The following COL4A2 variants were observed in gnomAD, a reference collection of about 807,000 sequenced individuals.
The protein encoded by COL4A2 is collagen alpha-2(IV) chain.
Under a neutral mutation model 200.2 loss-of-function variants are expected in COL4A2, and 99 were observed. The ratio of observed to expected loss-of-function variants is 0.49; its 90% CI spans 0.42 to 0.58. COL4A2 has a LOEUF of 0.58. Ranked by LOEUF, COL4A2 falls within the 20% of genes least tolerant of loss-of-function variation. The pLI, the probability that COL4A2 is intolerant of heterozygous loss-of-function variation, is 0.00. For synonymous variants in COL4A2, 897 were observed against 900.6 expected (o/e 1.00, Z 0.07); for missense variants, 1,950 against 2,314.1 (o/e 0.84, Z 3.23).
At chr13:110,464,962 C>A (rs1206980099) in intron 24 of COL4A2, among the ~76,000 whole-genome samples, 1 of 152,206 alleles carries the variant, frequency 6.6e-6, no homozygotes, top group Non-Finnish European at 1.5e-5. Flanking sequence ...ACGGCTCTTT[C>A]CTTGTCCAAA....
rs142309194 is a variant in COL4A2 at position 110,346,381 on chromosome 13, G to A, written c.100-11091G>A. On this transcript the variant is annotated intron_variant, in intron 3 of 47. Transcript: ENST00000360467. The stretch of plus-strand genomic sequence containing the variant: ...TTCAGCGGTCTTAGCCGTTGATCCC[G>A]TGGTCACCATAGACAATATAAGGAG... Among the ~76,000 whole-genome samples, 300 of 152,254 alleles carry A rather than the reference G, an allele frequency of 2.0e-3. 1 individual carries two copies. The highest frequency in any genetic ancestry group is 6.7e-3 in the African/African-American group (279 of 41,552).
intron 4 of COL4A2, among the ~76,000 whole-genome samples, chr13:110,374,803 A>G (rs943894117): frequency 6.6e-6 from 1 of 152,156 alleles, no homozygotes; most frequent in Non-Finnish European, 1.5e-5. Context: ...CATGCCGATT[A>G]TACTTCTGTA....
chr13:110,479,760 A>G (rs903178560), intron 30 of COL4A2, among the ~76,000 whole-genome samples: 1 of 152,192 alleles, frequency 6.6e-6, no homozygotes, highest in Non-Finnish European at 1.5e-5. Flanking sequence ...AGTAGCAGTG[A>G]TGAGATGGGA....
At chr13:110,351,896 G>A (rs550701686) in intron 3 of COL4A2, among the ~76,000 whole-genome samples, 2 of 152,198 alleles carry the variant, frequency 1.3e-5, no homozygotes, top group Non-Finnish European at 2.9e-5. Flanking sequence ...CAATGCGCCT[G>A]GGAAGCCACT....
At chr13:110,492,021 C>G in intron 37 of COL4A2, 49 bp from the exon 38 acceptor site, 3 of 1,492,610 alleles carry the variant, frequency 2.0e-6, no homozygotes, top group Non-Finnish European at 2.7e-6. Flanking sequence ...CACCACACAG[C>G]GCCCAAGGTG....
Position 110,474,746 on chromosome 13 carries a change from G to A in COL4A2, c.2425+1596G>A, listed in dbSNP as rs529121654. Among the ~76,000 whole-genome samples, 97 of 38,298 alleles carry A rather than the reference G, an allele frequency of 2.5e-3. 27 individuals are homozygous for A. The South Asian group carries it at 0.041, about 16-fold the overall frequency. The allele number at this position is 38,298 out of a possible 152,430, so 25.1% of individuals were successfully genotyped here. On this transcript the variant is annotated intron_variant, in intron 29 of 47. Coordinates refer to ENST00000360467, the MANE Select transcript of COL4A2 (RefSeq NM_001846.4). Reference sequence around the variant, plus strand: ...ACACGCACGTACCCACACACGTGCCGTGCACACTCACACATCACACACGCA... The same window carrying A: ...ACACGCACGTACCCACACACGTGCCATGCACACTCACACATCACACACGCA...
intron 3 of COL4A2, among the ~76,000 whole-genome samples, chr13:110,346,170 TGAAAA>T (rs770372885): frequency 3.3e-5 from 5 of 152,146 alleles, no homozygotes; most frequent in African/African-American, 4.8e-5. Context: ...TCAAAATACT[TGAAAA>T]GAAAGAGAAC....
In COL4A2 at chr13:110,372,656, T is replaced by C. The variant is rs1167294150; in HGVS notation, c.180+15104T>C. Among the ~76,000 whole-genome samples, 3 of 152,214 alleles carry C rather than the reference T, an allele frequency of 2.0e-5. No homozygotes were observed. The South Asian group carries it at 6.2e-4, about 32-fold the overall frequency. Reference sequence around the variant, plus strand: ...GAGATAACCTGAAAAGACAGAAAATTGCCAACTTAAACTGTAGATATCATT... The same window carrying C: ...GAGATAACCTGAAAAGACAGAAAATCGCCAACTTAAACTGTAGATATCATT... On this transcript the variant is annotated intron_variant, in intron 4 of 47. Coordinates refer to ENST00000360467, the MANE Select transcript of COL4A2 (RefSeq NM_001846.4).
At chr13:110,390,184 T>C (rs933592458) in intron 4 of COL4A2, among the ~76,000 whole-genome samples, 2 of 152,212 alleles carry the variant, frequency 1.3e-5, no homozygotes, top group Non-Finnish European at 2.9e-5. Context: ...CTCAGGATTT[T>C]TTGCTGTCTA....
intron 3 of COL4A2, among the ~76,000 whole-genome samples, chr13:110,309,809 G>GT (rs1171406270): frequency 1.1e-4 from 17 of 151,770 alleles, no homozygotes; most frequent in Admixed American, 9.2e-4. Flanking sequence ...GAGAAACACG[G>GT]TAAAACCCTG....
chr13:110,428,678 C>G (rs1880562051), intron 7 of COL4A2, 95 bp downstream of exon 7: 1 of 631,386 alleles, frequency 1.6e-6, no homozygotes, highest in Non-Finnish European at 2.6e-6. Context: ...TCACTGTGGC[C>G]AGAACGGAAG....
intron 4 of COL4A2, among the ~76,000 whole-genome samples, chr13:110,377,881 A>G (rs1463317035): frequency 6.6e-6 from 1 of 152,214 alleles, no homozygotes; most frequent in Non-Finnish European, 1.5e-5. Context: ...TTTCTTCTTC[A>G]CAGAACTTTT....
intron 27 of COL4A2, 83 bp downstream of exon 27, chr13:110,467,179 T>A: frequency 1.3e-6 from 2 of 1,567,292 alleles, no homozygotes; most frequent in Admixed American, 1.7e-5. Flanking sequence ...CCATCTTTCC[T>A]CTGGTCCTGC....
intron 4 of COL4A2, among the ~76,000 whole-genome samples, chr13:110,418,382 TC>T (rs2139447487): frequency 6.6e-6 from 1 of 150,514 alleles, no homozygotes; most frequent in African/African-American, 2.4e-5. Flanking sequence ...GCTAACTTTT[TC>T]TTTTATAGGT....
chr13:110,318,628 C>A (rs772244636), intron 3 of COL4A2, among the ~76,000 whole-genome samples: 2 of 152,128 alleles, frequency 1.3e-5, no homozygotes, highest in African/African-American at 2.4e-5. Flanking sequence ...GATGTTGGTG[C>A]GAGTATTCAA....
chr13:110,324,728 C>A (rs1422168076), intron 3 of COL4A2, among the ~76,000 whole-genome samples: 2 of 152,132 alleles, frequency 1.3e-5, no homozygotes, highest in Non-Finnish European at 2.9e-5. Flanking sequence ...GCTCTTCTGG[C>A]CTCGGGATTG....
At chr13:110,393,316 A>G (rs1879059743) in intron 4 of COL4A2, among the ~76,000 whole-genome samples, 2 of 152,240 alleles carry the variant, frequency 1.3e-5, no homozygotes, top group African/African-American at 4.8e-5. Flanking sequence ...TTAATGCTAA[A>G]TTGCTCTCCC....
At chr13:110,496,024 A>G (rs148552873) in intron 40 of COL4A2, among the ~76,000 whole-genome samples, 5 of 152,126 alleles carry the variant, frequency 3.3e-5, no homozygotes, top group Non-Finnish European at 7.4e-5. Context: ...CCACAGCCCC[A>G]GAGTCTGCTC....
chr13:110,342,801 C>T (rs1876516883), intron 3 of COL4A2, among the ~76,000 whole-genome samples: 1 of 152,146 alleles, frequency 6.6e-6, no homozygotes, highest in Non-Finnish European at 1.5e-5. Flanking sequence ...CACTGGAGAC[C>T]CGCACACCCG....
Sources: allele counts gnomAD v4.1 joint callset (sites outside exome capture counted in the v4.1 genomes callset), GRCh38; gene constraint gnomAD v4.1.1; transcripts MANE v1.5; gene names NCBI Gene and HGNC (gene_info 2026-07-23, HGNC 2026-07-21).